PLCB3: variants seen among roughly 807,000 people sequenced by gnomAD.
PLCB3 encodes phospholipase C beta 3.
A neutral mutation model predicts 152.1 loss-of-function variants in PLCB3; 54 were observed. The ratio of observed to expected loss-of-function variants is 0.36; its 90% CI spans 0.29 to 0.45. The LOEUF is 0.45. Ranked by LOEUF, PLCB3 falls within the 20% of genes least tolerant of loss-of-function variation. The pLI, the probability that PLCB3 is intolerant of heterozygous loss-of-function variation, is 1.00. For synonymous variants in PLCB3, 717 were observed against 698.7 expected, an observed-to-expected ratio of 1.03 and a Z score of -0.41; for missense variants, 1,248 against 1,687.5, an observed-to-expected ratio of 0.74 and a Z score of 4.56.
Position 64,255,863 on chromosome 11 carries a change from T to C in PLCB3, c.698+42T>C. On this transcript the variant is annotated intron_variant, in intron 8 of 30. Coordinates refer to ENST00000279230, the MANE Select transcript of PLCB3 (RefSeq NM_000932.5). The surrounding 1 kb of genome is among the most constrained non-coding windows in gnomAD (Gnocchi z 6.8). Reference sequence around the variant, plus strand: ...TGCCTCACAACCCCTGTGCTCTGTGTTTAGCTTCTGCTTAGCGTGCCTCTA... The same window carrying C: ...TGCCTCACAACCCCTGTGCTCTGTGCTTAGCTTCTGCTTAGCGTGCCTCTA... 1 of 1,412,042 alleles carries C rather than the reference T, an allele frequency of 7.1e-7. No homozygotes were observed. The highest frequency in any genetic ancestry group is 1.4e-5 in the African/African-American group (1 of 71,302). 87.5% of individuals were successfully genotyped at this position (1,412,042 alleles called of 1,614,324 possible).
chr11:64,269,376 C>G (rs1176016914), downstream of PLCB3, among the ~76,000 whole-genome samples: 1 of 152,246 alleles, frequency 6.6e-6, no homozygotes, highest in Non-Finnish European at 1.5e-5. Context: ...ATAGGGGGCG[C>G]CAATAAATCT....
In PLCB3 at chr11:64,259,201, G is replaced by A; in HGVS notation, c.1482G>A (p.Leu494=). The change falls in exon 13 of 31, where the codon CTG becomes CTA. Residue 494 remains leucine (L), a synonymous_variant. Transcript: ENST00000279230. The part of the protein sequence containing the change: ...KRPLEQSNSA[L]SESSAATEPS... ...CCCTGGAGCAGAGCAATTCTGCCCT[G>A]AGCGAGAGCTCCGCGGCCACCGAGC... 1 of 1,584,272 alleles carries A rather than the reference G, an allele frequency of 6.3e-7. No homozygotes were observed. The highest frequency in any genetic ancestry group is 8.6e-7 in the Non-Finnish European group (1 of 1,166,156).
intron 22 of PLCB3, 120 bp downstream of exon 22, chr11:64,264,232 C>A: frequency 1.6e-6 from 1 of 619,894 alleles, no homozygotes; most frequent in East Asian, 3.0e-5. Context: ...CTTGGCAGCC[C>A]TGGGATTTTG....
chr11:64,257,795 A>G (rs2031617489), intron 10 of PLCB3, among the ~76,000 whole-genome samples: 1 of 151,922 alleles, frequency 6.6e-6, no homozygotes, highest in South Asian at 2.1e-4. Context: ...TGGAGGGTGA[A>G]GCAGAAGAGG....
intron 21 of PLCB3, 59 bp downstream of exon 21, chr11:64,263,854 C>T: frequency 6.9e-7 from 1 of 1,443,682 alleles, no homozygotes; most frequent in Non-Finnish European, 9.7e-7. Flanking sequence ...AAGGGCCACC[C>T]CCAGGGCCTG....
rs1225109299 is a variant in PLCB3 at position 64,267,383 on chromosome 11, G to A, written c.3532G>A (p.Glu1178Lys). ...GGCCCAGCTGGCCCAGGAGTGTCAG[G>A]AGCAGCGGGCGAGGCTCCCCCAGGA... ...LLAQLAQECQ[E>K]QRARLPQEIR... The change falls in exon 31 of 31, where the codon GAG becomes AAG. Residue 1178 changes from glutamate (E) to lysine (K), a missense_variant. Physicochemically the swap from Glu to Lys is moderately conservative, Grantham distance 56 (BLOSUM62 1). This residue lies in a region of PLCB3 where 477 missense variants were observed against 489.6 expected (regional missense o/e 0.97). Coordinates refer to ENST00000279230, the MANE Select transcript of PLCB3 (RefSeq NM_000932.5). The surrounding 1 kb of genome is among the most constrained non-coding windows in gnomAD (Gnocchi z 5.2). 3.2e-6 allele frequency: 5 copies of A among 1,544,500 alleles called. No individual in the cohort carries two copies. Among genetic ancestry groups the A allele is most frequent in the Non-Finnish European group, 4.4e-6 (5 of 1,143,194 alleles).
intron 1 of PLCB3, among the ~76,000 whole-genome samples, chr11:64,252,317 A>C (rs1170679845): frequency 2.0e-5 from 3 of 150,598 alleles, no homozygotes; most frequent in Admixed American, 2.0e-4. Flanking sequence ...CCTAGTGGAG[A>C]CTTTGCCCCC....
At chr11:64,256,323 G>A (rs1418875468) in intron 8 of PLCB3, 53 bp from the exon 9 acceptor site, 49 of 1,558,736 alleles carry the variant, frequency 3.1e-5, no homozygotes, top group Non-Finnish European at 3.6e-5. Flanking sequence ...GCTTGGCGAC[G>A]GGGTGGGAGC....
chr11:64,263,770 G>C lies in PLCB3; in HGVS notation c.2535G>C (p.Ser845=), dbSNP rs764905688. 13 of 1,613,090 alleles carry C rather than the reference G, an allele frequency of 8.1e-6. No individual in the cohort carries two copies. Among genetic ancestry groups the C allele is most frequent in the Non-Finnish European group, 8.5e-6 (10 of 1,179,860 alleles). ...CCCTGCTCATCTACACCGAAGCCTCGGACTACATTCCTGACGACCACCAGG... is the reference window on the plus strand; with the variant it reads ...CCCTGCTCATCTACACCGAAGCCTCCGACTACATTCCTGACGACCACCAGG... The part of the protein sequence containing the change: ...LPALLIYTEA[S]DYIPDDHQDY... The change falls in exon 21 of 31, where the codon TCG becomes TCC. Residue 845 remains serine, a synonymous_variant. Transcript: ENST00000279230.
intron 2 of PLCB3, 72 bp downstream of exon 2, chr11:64,254,564 G>A: frequency 6.7e-7 from 1 of 1,487,410 alleles, no homozygotes; most frequent in Non-Finnish European, 9.4e-7. Flanking sequence ...TGCCCGTGGG[G>A]GTGGGGCCCG....
In PLCB3 at chr11:64,254,697, G is replaced by A. The variant is rs372630772; in HGVS notation, c.178-51G>A. 2.5e-6 allele frequency: 4 copies of A among 1,584,316 alleles called. No homozygotes were observed. The African/African-American group carries it at 5.4e-5, about 21-fold the overall frequency. ...TGGGTAGAGAGCTTGGAAGCTCCTG[G>A]CTATTGCCCTGCAGCCTCTCATACT... On this transcript the variant is annotated intron_variant, in intron 2 of 30. Transcript: ENST00000279230.
rs200920010 is a variant in PLCB3 at position 64,258,986 on chromosome 11, C to T, written c.1338+17C>T. Reference sequence around the variant, plus strand: ...AAGTACCCGGTACGGGAGCTCGGAGCGAGGGGGGTGGCATGGGGGCCAGGG... The same window carrying T: ...AAGTACCCGGTACGGGAGCTCGGAGTGAGGGGGGTGGCATGGGGGCCAGGG... On this transcript the variant is annotated intron_variant, in intron 12 of 30. Coordinates refer to ENST00000279230, the MANE Select transcript of PLCB3 (RefSeq NM_000932.5). This position sits in a 1 kb window ranked among gnomAD's most constrained non-coding sequence, Gnocchi z 7.2. 107 of 1,613,390 alleles carry T rather than the reference C, an allele frequency of 6.6e-5. No individual in the cohort carries two copies. The highest frequency in any genetic ancestry group is 4.0e-5 in the African/African-American group (3 of 74,888).
chr11:64,256,475 C>A lies in PLCB3; in HGVS notation c.798C>A (p.Pro266=). The change falls in exon 9 of 31, where the codon CCC becomes CCA. Residue 266 remains proline, a synonymous_variant. Transcript: ENST00000279230. ...DPRLNEVLYP[P]LRPSQARLLI... ...GACTCAACGAAGTGCTGTACCCGCC[C>A]CTGCGGCCCTCCCAGGCCCGGCTGC... 1.9e-6 allele frequency: 3 copies of A among 1,613,902 alleles called. No homozygotes were observed. The Admixed American group carries it at 5.0e-5, about 27-fold the overall frequency.
chr11:64,264,095 C>G lies in PLCB3; in HGVS notation c.2635C>G (p.Leu879Val). The G allele has an allele frequency of 6.5e-7, 1 of 1,542,492 alleles. No individual in the cohort carries two copies. Among genetic ancestry groups the G allele is most frequent in the Non-Finnish European group, 8.7e-7 (1 of 1,146,834 alleles). ...CCAGAGGGCCCGGCAGCTGGCCGCCCTCATTGGGGAGAGTGAGGTGAGCCG... is the reference window on the plus strand; with the variant it reads ...CCAGAGGGCCCGGCAGCTGGCCGCCGTCATTGGGGAGAGTGAGGTGAGCCG... Reference protein sequence around the residue: ...MDQRARQLAALIGESEAQAGQ... With the variant: ...MDQRARQLAAVIGESEAQAGQ... The change falls in exon 22 of 31, where the codon CTC (leucine) becomes GTC (valine). Residue 879 changes from leucine to valine, a missense_variant. Transcript: ENST00000279230.
chr11:64,255,942 G>T lies in PLCB3; in HGVS notation c.698+121G>T. ...GCCGGGTCCTGGAGCGCCAGGGGGC[G>T]GAGGGGTGCCCAGGGAGAACCTGTC... is the stretch of plus-strand genomic sequence containing the variant. On this transcript the variant is annotated intron_variant, in intron 8 of 30. Coordinates refer to ENST00000279230, the MANE Select transcript of PLCB3 (RefSeq NM_000932.5). The surrounding 1 kb of genome is among the most constrained non-coding windows in gnomAD (Gnocchi z 6.8). 1.3e-6 allele frequency: 1 copy of T among 760,142 alleles called. No individual in the cohort carries two copies. The allele number at this position is 760,142 out of a possible 1,614,324, so 47.1% of individuals were successfully genotyped here. A position where few individuals can be genotyped will look rare whatever the true frequency, so the allele number is the denominator to read the frequency against.
rs778667804 is a variant in PLCB3, at chr11:64,258,673, C to G, written c.1213C>G (p.Pro405Ala). ...AIAETAFKTS[P>A]YPVILSFENH... ...TGCCGAGACTGCCTTCAAGACCTCG[C>G]CCTACCCCGTCATCCTCTCCTTCGA... The change falls in exon 11 of 31, where the codon CCC (proline) becomes GCC (alanine). Residue 405 changes from proline to alanine, a missense_variant. Physicochemically the swap from Pro to Ala is conservative, Grantham distance 27. This residue lies in a region of PLCB3 where 122 missense variants were observed against 221.8 expected (regional missense o/e 0.55). Coordinates refer to ENST00000279230, the MANE Select transcript of PLCB3 (RefSeq NM_000932.5). This position sits in a 1 kb window ranked among gnomAD's most constrained non-coding sequence, Gnocchi z 7.2. The G allele has an allele frequency of 1.5e-5, 24 of 1,613,866 alleles. No individual in the cohort carries two copies. The highest frequency in any genetic ancestry group is 1.9e-5 in the Non-Finnish European group (23 of 1,180,004).
rs12146487 is a variant in PLCB3, at chr11:64,259,167, G to A, written c.1448G>A (p.Arg483His). ...PSAGGPDSAG[R>H]KRPLEQSNSA... ...GCAGGTGGCCCAGACAGCGCCGGGCGCAAGCGGCCCCTGGAGCAGAGCAAT... is the reference window on the plus strand; with the variant it reads ...GCAGGTGGCCCAGACAGCGCCGGGCACAAGCGGCCCCTGGAGCAGAGCAAT... The change falls in exon 13 of 31, where the codon CGC (arginine) becomes CAC (histidine). Residue 483 changes from arginine to histidine, a missense_variant. Physicochemically the swap from Arg to His is conservative, Grantham distance 29. Coordinates refer to ENST00000279230, the MANE Select transcript of PLCB3 (RefSeq NM_000932.5). 0.15 allele frequency: 244,958 copies of A among 1,602,736 alleles called. 19,893 individuals are homozygous for A. Among genetic ancestry groups the A allele is most frequent in the Non-Finnish European group, 0.17 (202,724 of 1,174,942 alleles).
At chr11:64,261,371 C>T in intron 14 of PLCB3, 29 bp from the exon 15 acceptor site, 1 of 1,552,464 alleles carries the variant, frequency 6.4e-7, no homozygotes, top group Non-Finnish European at 8.9e-7. Context: ...GCGGGAATGG[C>T]ACTGCTGACC....
intron 1 of PLCB3, among the ~76,000 whole-genome samples, chr11:64,252,704 CG>C (rs1339580160): frequency 6.6e-6 from 1 of 151,776 alleles, no homozygotes; most frequent in Non-Finnish European, 1.5e-5. Flanking sequence ...CCCCAGGGGC[CG>C]GGGGAGACCC....
Sources: gnomAD v4.1 joint callset for allele counts (sites outside exome capture counted in the v4.1 genomes callset) on GRCh38, gnomAD v4.1.1 for gene constraint, gnomAD v4.1.1 regional missense constraint, Gnocchi (gnomAD v3.1) non-coding constraint, MANE v1.5 for transcripts, NCBI Gene and HGNC (gene_info 2026-07-23, HGNC 2026-07-21) for gene names.